TFDP2: variants seen among roughly 807,000 people sequenced by gnomAD.
The protein encoded by TFDP2 is transcription factor Dp-2, also known as transcription factor Dp-2 (E2F dimerization partner 2).
Under a neutral mutation model 59.3 loss-of-function variants are expected in TFDP2, and 17 were observed. The observed-to-expected ratio is 0.29, with a 90% CI of 0.20 to 0.43. The LOEUF (loss-of-function observed/expected upper bound fraction) is 0.43. Ranked by LOEUF, TFDP2 falls within the 20% of genes least tolerant of loss-of-function variation. TFDP2 has a pLI of 1.00. For synonymous variants in TFDP2, 180 were observed against 194.7 expected, an observed-to-expected ratio of 0.92 and a Z score of 0.63; for missense variants, 391 against 528.8, an observed-to-expected ratio of 0.74 and a Z score of 2.56.
intron 3 of TFDP2, among the ~76,000 whole-genome samples, chr3:142,071,162 T>TA: frequency 7.0e-6 from 1 of 142,316 alleles, no homozygotes; most frequent in East Asian, 2.0e-4. Flanking sequence ...CTTAAAGGAG[T>TA]TTTTTTTTTT....
chr3:142,141,786 G>T (rs2108752988), intron 1 of TFDP2, among the ~76,000 whole-genome samples: 1 of 151,622 alleles, frequency 6.6e-6, no homozygotes, highest in South Asian at 2.1e-4. Flanking sequence ...TCATGCCACT[G>T]CACTCCAGCC....
chr3:142,104,395 T>G (rs2061409968), intron 1 of TFDP2, among the ~76,000 whole-genome samples: 1 of 152,182 alleles, frequency 6.6e-6, no homozygotes. Flanking sequence ...CCAAGCTTGA[T>G]CTAACAGATC....
intron 3 of TFDP2, among the ~76,000 whole-genome samples, chr3:142,046,494 G>A (rs901020462): frequency 6.6e-6 from 1 of 152,164 alleles, no homozygotes; most frequent in Non-Finnish European, 1.5e-5. Flanking sequence ...TTACAGAGCT[G>A]TGGTCACTAA....
At chr3:142,071,417 C>G (rs2060245230) in intron 3 of TFDP2, among the ~76,000 whole-genome samples, 1 of 152,156 alleles carries the variant, frequency 6.6e-6, no homozygotes, top group Admixed American at 6.5e-5. Flanking sequence ...ATTGGTCTCT[C>G]AAAGTGCAAG....
At chr3:141,962,169 C>T (rs1240459187) in intron 10 of TFDP2, among the ~76,000 whole-genome samples, 2 of 152,048 alleles carry the variant, frequency 1.3e-5, no homozygotes, top group Admixed American at 1.3e-4. Context: ...GTCTCAAACT[C>T]TTGACCACAG....
At chr3:142,147,279 C>A (rs2063213977) in intron 1 of TFDP2, among the ~76,000 whole-genome samples, 1 of 152,130 alleles carries the variant, frequency 6.6e-6, no homozygotes, top group African/African-American at 2.4e-5. Flanking sequence ...GTATTTGATT[C>A]TCTTTAAAAT....
At chr3:142,060,632 G>T (rs2059889236) in intron 3 of TFDP2, among the ~76,000 whole-genome samples, 1 of 152,076 alleles carries the variant, frequency 6.6e-6, no homozygotes, top group African/African-American at 2.4e-5. Context: ...GTGGAGGGGG[G>T]CAGTTTTTGG....
At chr3:142,013,697 G>T (rs1444815903) in intron 3 of TFDP2, among the ~76,000 whole-genome samples, 1 of 152,088 alleles carries the variant, frequency 6.6e-6, no homozygotes. Flanking sequence ...CAAGATTTTG[G>T]CTCAAATATT....
intron 3 of TFDP2, among the ~76,000 whole-genome samples, chr3:142,033,556 G>A (rs1026263133): frequency 1.1e-4 from 17 of 152,280 alleles, no homozygotes; most frequent in African/African-American, 3.6e-4. Context: ...GCTACGTGGC[G>A]AGGGATCTAT....
chr3:141,944,487 T>C lies in TFDP2; in HGVS notation c.*8026A>G, dbSNP rs573805079. 1.3e-5 allele frequency: 2 copies of C among 152,342 alleles called. No individual in the cohort carries two copies. Among genetic ancestry groups the C allele is most frequent in the African/African-American group, 4.8e-5 (2 of 41,586 alleles). The allele number at this position is 152,342 out of a possible 1,614,324, so 9.4% of individuals were successfully genotyped here. A position where few individuals can be genotyped will look rare whatever the true frequency, so the allele number is the denominator to read the frequency against. On this transcript the variant is annotated 3_prime_UTR_variant, in exon 13 of 13. Coordinates refer to ENST00000489671, the MANE Select transcript of TFDP2 (RefSeq NM_001178139.2). Reference sequence around the variant, plus strand: ...TTTCATTCAAATCATAAAAGTCTGATACATTTTTTTCTCAAGAACAACTTA... The same window carrying C: ...TTTCATTCAAATCATAAAAGTCTGACACATTTTTTTCTCAAGAACAACTTA...
chr3:142,013,458 T>C (rs1373848739), intron 3 of TFDP2, among the ~76,000 whole-genome samples: 1 of 152,196 alleles, frequency 6.6e-6, no homozygotes, highest in African/African-American at 2.4e-5. Flanking sequence ...AAGTAAAGTC[T>C]AAACAGTTTT....
At chr3:142,058,932 G>A (rs974374555) in intron 3 of TFDP2, among the ~76,000 whole-genome samples, 1 of 152,096 alleles carries the variant, frequency 6.6e-6, no homozygotes, top group Non-Finnish European at 1.5e-5. Context: ...TCAATCCTTG[G>A]TCTTTCTGGC....
At chr3:142,079,424 G>T (rs2060565262) in intron 3 of TFDP2, among the ~76,000 whole-genome samples, 1 of 152,126 alleles carries the variant, frequency 6.6e-6, no homozygotes, top group Non-Finnish European at 1.5e-5. Flanking sequence ...AAAGTTGTTG[G>T]CCTTAATAAC....
chr3:142,031,254 G>A (rs1946419098), intron 3 of TFDP2, among the ~76,000 whole-genome samples: 2 of 152,216 alleles, frequency 1.3e-5, no homozygotes, highest in South Asian at 4.1e-4. Flanking sequence ...CTTGCAGAAT[G>A]AATTTTCCTT....
At chr3:142,060,229 A>T (rs923522173) in intron 3 of TFDP2, among the ~76,000 whole-genome samples, 2 of 152,132 alleles carry the variant, frequency 1.3e-5, no homozygotes, top group African/African-American at 4.8e-5. Flanking sequence ...AACTTTCCTG[A>T]ACTCCTTGCC....
At chr3:142,109,693 T>G (rs958869485) in intron 1 of TFDP2, among the ~76,000 whole-genome samples, 1 of 152,176 alleles carries the variant, frequency 6.6e-6, no homozygotes, top group Non-Finnish European at 1.5e-5. Flanking sequence ...ACCAGCATTT[T>G]ATTTGTATTC....
intron 7 of TFDP2, among the ~76,000 whole-genome samples, chr3:141,974,911 T>C (rs1035963198): frequency 7.3e-6 from 1 of 137,618 alleles, no homozygotes; most frequent in East Asian, 2.0e-4. Flanking sequence ...CTTCTTCTTT[T>C]TTTTTTTTTT....
chr3:142,082,122 C>T lies in TFDP2; in HGVS notation c.82+10939G>A, dbSNP rs114760095. 3.9e-3 allele frequency among the ~76,000 whole-genome samples: 600 copies of T among 152,176 alleles called. 6 individuals are homozygous for T. Among genetic ancestry groups the T allele is most frequent in the African/African-American group, 0.014 (566 of 41,506 alleles). ...ACCTCCACCTCTGTCAGATTAGCCA[C>T]GACATTAGAGTCTCACAGGAGTGCA... On this transcript the variant is annotated intron_variant, in intron 3 of 12. Coordinates refer to ENST00000489671, the MANE Select transcript of TFDP2 (RefSeq NM_001178139.2).
intron 3 of TFDP2, among the ~76,000 whole-genome samples, chr3:142,045,699 G>A (rs568328113): frequency 1.3e-5 from 2 of 148,380 alleles, no homozygotes; most frequent in East Asian, 2.0e-4. Context: ...TGCAACCTCC[G>A]CCTCCCGGGT....
Sources: allele counts gnomAD v4.1 joint callset (sites outside exome capture counted in the v4.1 genomes callset), GRCh38; gene constraint gnomAD v4.1.1; transcripts MANE v1.5; gene names NCBI Gene and HGNC (gene_info 2026-07-23, HGNC 2026-07-21).